AHNAK: variants seen among roughly 807,000 people sequenced by gnomAD.
AHNAK encodes AHNAK nucleoprotein, also known as neuroblast differentiation-associated protein AHNAK.
In AHNAK, 23 loss-of-function variants were observed where a neutral mutation model predicts 37.8. That is an observed-to-expected ratio of 0.61 (90% confidence interval 0.44 to 0.86). AHNAK has a LOEUF of 0.86. Among genes scored for constraint, AHNAK ranks in the 40% least tolerant of loss-of-function variants. The pLI is 0.00. For synonymous variants in AHNAK, 2,481 were observed against 2,636.3 expected (o/e 0.94, Z 1.80); for missense variants, 7,411 against 7,319.4 (o/e 1.01, Z -0.46).
rs746950979 is a variant in AHNAK at position 62,522,022 on chromosome 11, G to C, written c.12395C>G (p.Pro4132Arg). 1 of 1,614,034 alleles carries C rather than the reference G, an allele frequency of 6.2e-7. No homozygotes were observed. Among genetic ancestry groups the C allele is most frequent in the Admixed American group, 1.7e-5 (1 of 59,992 alleles). ...ACCTTTCAGATTCAGGTCAACTTCAGGCATAGAGATCTTCGGTGCCTTGAG... is the reference window on the plus strand; with the variant it reads ...ACCTTTCAGATTCAGGTCAACTTCACGCATAGAGATCTTCGGTGCCTTGAG... Reference protein sequence around the residue: ...LHLKAPKISMPEVDLNLKGPK... With the variant: ...LHLKAPKISMREVDLNLKGPK... The change falls in exon 5 of 5, where the codon CCT (proline) becomes CGT (arginine). Residue 4132 changes from proline (P) to arginine (R), a missense_variant. Physicochemically the swap from Pro to Arg is moderately radical, Grantham distance 103. Transcript: ENST00000378024.
chr11:62,500,428 A>G (rs1463433116), intron 4 of AHNAK, among the ~76,000 whole-genome samples: 1 of 152,192 alleles, frequency 6.6e-6, no homozygotes, highest in Non-Finnish European at 1.5e-5. Context: ...AGGCTGGGGT[A>G]ATCTGATTGG....
intron 5 of AHNAK, among the ~76,000 whole-genome samples, chr11:62,484,050 A>AG (rs1170194750): frequency 7.3e-5 from 11 of 150,582 alleles, no homozygotes; most frequent in Non-Finnish European, 1.3e-4. Context: ...AAAAAAAAAA[A>AG]AAAAAAGAAA....
chr11:62,540,888 G>C (rs1435370442), intron 1 of AHNAK, among the ~76,000 whole-genome samples: 1 of 152,212 alleles, frequency 6.6e-6, no homozygotes, highest in African/African-American at 2.4e-5. Context: ...CCGAGCAGCA[G>C]GGCTCTGCCC....
Position 62,533,624 on chromosome 11 carries a change from A to C in AHNAK, c.793T>G (p.Leu265Val). The C allele has an allele frequency of 6.2e-7, 1 of 1,614,060 alleles. No individual in the cohort carries two copies. The highest frequency in any genetic ancestry group is 8.5e-7 in the Non-Finnish European group (1 of 1,180,010). Reference protein sequence around the residue: ...GSGVNVNAKGLDLGGRGGVQV... With the variant: ...GSGVNVNAKGVDLGGRGGVQV... ...ACCCCTCCTCTGCCACCCAAGTCCA[A>C]GCCCTTTGCATTGACATTGACACCT... The change falls in exon 5 of 5, where the codon TTG becomes GTG. Residue 265 changes from leucine to valine, a missense_variant. Transcript: ENST00000378024.
intron 5 of AHNAK, among the ~76,000 whole-genome samples, chr11:62,477,320 A>G (rs1002801411): frequency 1.3e-5 from 2 of 152,210 alleles, no homozygotes; most frequent in African/African-American, 4.8e-5. Flanking sequence ...TTTCAAATAC[A>G]TGGTCTGAAG....
chr11:62,493,332 C>CTT (rs538984724), intron 4 of AHNAK, among the ~76,000 whole-genome samples: 39 of 122,952 alleles, frequency 3.2e-4, no homozygotes, highest in Non-Finnish European at 5.5e-4. Flanking sequence ...TTCTTTCTTT[C>CTT]TTTTTTTTTT....
intron 5 of AHNAK, among the ~76,000 whole-genome samples, chr11:62,463,520 G>C (rs2134831033): frequency 6.6e-6 from 1 of 152,074 alleles, no homozygotes; most frequent in South Asian, 2.1e-4. Context: ...TCATGATTTT[G>C]CCTTGTGCAC....
chr11:62,439,184 AC>A (rs1374382195), intron 5 of AHNAK, among the ~76,000 whole-genome samples: 1 of 135,542 alleles, frequency 7.4e-6, no homozygotes, highest in East Asian at 2.2e-4. Context: ...AGCTCTGACC[AC>A]CCGGGTTCAT....
In AHNAK at chr11:62,528,697, C is replaced by T. The variant is rs767582578; in HGVS notation, c.5720G>A (p.Gly1907Asp). Reference protein sequence around the residue: ...ELECPDAKLKGPKFKMPDMHF... With the variant: ...ELECPDAKLKDPKFKMPDMHF... Reference sequence around the variant, plus strand: ...CATGTCTGGCATCTTAAATTTAGGGCCTTTCAACTTTGCATCAGGACACTC... The same window carrying T: ...CATGTCTGGCATCTTAAATTTAGGGTCTTTCAACTTTGCATCAGGACACTC... Residue 1907 changes from glycine to aspartate, a missense_variant, in exon 5 of 5, where the codon GGC becomes GAC. Physicochemically the swap from Gly to Asp is moderately conservative, Grantham distance 94. Coordinates refer to ENST00000378024, the MANE Select transcript of AHNAK (RefSeq NM_001620.3). 4.5e-5 allele frequency: 72 copies of T among 1,610,896 alleles called. No individual in the cohort carries two copies. The highest frequency in any genetic ancestry group is 5.9e-5 in the Non-Finnish European group (69 of 1,179,472).
In AHNAK at chr11:62,503,073, A is replaced by T. The variant is rs143591675; in HGVS notation, c.343-11242T>A. Among the ~76,000 whole-genome samples, 9 of 152,348 alleles carry T rather than the reference A, an allele frequency of 5.9e-5. No individual in the cohort carries two copies. The East Asian group carries it at 1.5e-3, about 26-fold the overall frequency. On this transcript the variant is annotated intron_variant, in intron 4 of 5. Coordinates refer to the AHNAK transcript ENST00000257247. ...AACTTTTAATTCTCCATATTCCGTG[A>T]GAGTTCAGCAAATGCTCATAAATAC...
In AHNAK at chr11:62,526,557, C is replaced by T; in HGVS notation, c.7860G>A (p.Val2620=). The T allele has an allele frequency of 6.2e-7, 1 of 1,612,130 alleles. No homozygotes were observed. Among genetic ancestry groups the T allele is most frequent in the South Asian group, 1.1e-5 (1 of 90,980 alleles). Residue 2620 remains valine, a synonymous_variant, in exon 5 of 5, where the codon GTG becomes GTA. Transcript: ENST00000378024. The part of the protein sequence containing the change: ...GPEVDIKGPK[V]DINAPDVGVQ... ...CACCCACATCTGGGGCATTAATATC[C>T]ACTTTGGGCCCCTTGATGTCAACTT...
At chr11:62,433,982 T>C in intron 5 of AHNAK, 1 of 1,533,780 alleles carries the variant, frequency 6.5e-7, no homozygotes, top group Non-Finnish European at 8.9e-7. Flanking sequence ...TTGCACCAAC[T>C]GAAAGAAGGT....
Position 62,524,713 on chromosome 11 carries a change from C to T in AHNAK, c.9704G>A (p.Gly3235Glu). The T allele has an allele frequency of 6.2e-7, 1 of 1,614,226 alleles. No individual in the cohort carries two copies. Residue 3235 changes from glycine to glutamate, a missense_variant, in exon 5 of 5, where the codon GGA (glycine) becomes GAA (glutamate). By Grantham distance (98) the Gly-to-Glu change is moderately conservative. Transcript: ENST00000378024. ...DLNLKGPKMK[G>E]EVDVSLANVE... ...ATTTGCAAGTGAAACATCCACCTCTCCTTTCATTTTAGGGCCTTTAAGATT... is the reference window on the plus strand; with the variant it reads ...ATTTGCAAGTGAAACATCCACCTCTTCTTTCATTTTAGGGCCTTTAAGATT...
At position 62,529,033 on chromosome 11, in the gene AHNAK, A is replaced by G. The variant is rs2134230773; in HGVS notation, c.5384T>C (p.Leu1795Pro). The G allele has an allele frequency of 6.2e-7, 1 of 1,614,080 alleles. No individual in the cohort carries two copies. The highest frequency in any genetic ancestry group is 8.5e-7 in the Non-Finnish European group (1 of 1,180,006). Residue 1795 changes from leucine (L) to proline (P), a missense_variant, in exon 5 of 5, where the codon CTG becomes CCG. Leu to Pro is a moderately conservative substitution (Grantham distance 98, BLOSUM62 -3). Transcript: ENST00000378024. The part of the protein sequence containing the change: ...DVDLNLKGPK[L>P]KGEIDASVPE... The stretch of plus-strand genomic sequence containing the variant: ...CACAGAAGCATCTATCTCTCCCTTC[A>G]GTTTGGGTCCCTTCAAATTCAAGTC...
At position 62,526,919 on chromosome 11, in the gene AHNAK, C is replaced by T. The variant is rs768641617; in HGVS notation, c.7498G>A (p.Asp2500Asn). The T allele has an allele frequency of 1.9e-5, 31 of 1,614,070 alleles. No homozygotes were observed. The highest frequency in any genetic ancestry group is 2.7e-5 in the African/African-American group (2 of 74,922). ...AGGTGCCAGTCTGGAGCTTGGACAT[C>T]GGGGGCATTTACATCAACTTTGGGG... is the stretch of plus-strand genomic sequence containing the variant. ...RGPKVDVNAP[D>N]VQAPDWHLKM... Residue 2500 changes from aspartate to asparagine, a missense_variant, in exon 5 of 5, where the codon GAT becomes AAT. Physicochemically the swap from Asp to Asn is conservative, Grantham distance 23. Coordinates refer to ENST00000378024, the MANE Select transcript of AHNAK (RefSeq NM_001620.3).
intron 5 of AHNAK, among the ~76,000 whole-genome samples, chr11:62,480,051 G>A (rs1052639438): frequency 6.6e-6 from 1 of 152,064 alleles, no homozygotes; most frequent in Admixed American, 6.5e-5. Flanking sequence ...TCAAGCAGGA[G>A]GGTAGCAGGC....
At position 62,435,600 on chromosome 11, in the gene AHNAK, A is replaced by G. The variant is rs1262794731; in HGVS notation, c.443-1709T>C. ...GCTAATTTTTTTGTATTTTTAGTAC[A>G]GACGGGGTTTCACCGTGTTAGACAG... is the stretch of plus-strand genomic sequence containing the variant. On this transcript the variant is annotated intron_variant, in intron 5 of 5. Coordinates refer to the AHNAK transcript ENST00000257247. Among the ~76,000 whole-genome samples, 4 of 152,174 alleles carry G rather than the reference A, an allele frequency of 2.6e-5. No individual in the cohort carries two copies. The East Asian group carries it at 7.7e-4, about 29-fold the overall frequency.
chr11:62,480,210 T>C (rs1412625720), intron 5 of AHNAK, among the ~76,000 whole-genome samples: 1 of 152,186 alleles, frequency 6.6e-6, no homozygotes, highest in Non-Finnish European at 1.5e-5. Context: ...GCCCTGCCAA[T>C]CTTGCCTCGG....
downstream of AHNAK, among the ~76,000 whole-genome samples, chr11:62,513,541 T>TA (rs113879195): frequency 1.2e-3 from 156 of 127,380 alleles, no homozygotes; most frequent in Middle Eastern, 0.011. Context: ...GTCTCAAAAA[T>TA]AAAAAAAAAA....
Sources: gnomAD v4.1 joint callset for allele counts (sites outside exome capture counted in the v4.1 genomes callset) on GRCh38, gnomAD v4.1.1 for gene constraint, MANE v1.5 for transcripts, NCBI Gene and HGNC (gene_info 2026-07-23, HGNC 2026-07-21) for gene names.